DNAI1: variants seen among roughly 807,000 people sequenced by gnomAD.
DNAI1 encodes dynein axonemal intermediate chain 1.
A neutral mutation model predicts 92.0 loss-of-function variants in DNAI1; 67 were observed. The ratio of observed to expected loss-of-function variants is 0.73; its 90% confidence interval spans 0.60 to 0.89. The LOEUF (loss-of-function observed/expected upper bound fraction) is 0.89. Among genes scored for constraint, DNAI1 ranks in the 40% least tolerant of loss-of-function variants. The pLI, the probability that DNAI1 is intolerant of heterozygous loss-of-function variation, is 0.00. For synonymous variants in DNAI1, 323 were observed against 319.6 expected, an observed-to-expected ratio of 1.01 and a Z score of -0.11; for missense variants, 839 against 866.6, an observed-to-expected ratio of 0.97 and a Z score of 0.40.
At chr9:34,479,309 G>A (rs1182841799) in intron 1 of DNAI1, among the ~76,000 whole-genome samples, 1 of 152,160 alleles carries the variant, frequency 6.6e-6, no homozygotes, top group Non-Finnish European at 1.5e-5. Context: ...ACCATCAAAG[G>A]CCTTTCAGGA....
At chr9:34,490,524 T>C (rs1824567630) in intron 7 of DNAI1, 36 bp downstream of exon 7, 10 of 1,612,334 alleles carry the variant, frequency 6.2e-6, no homozygotes, top group Non-Finnish European at 8.5e-6. Flanking sequence ...TTTGCAGCTC[T>C]TCACTGTGCC....
In DNAI1 at chr9:34,511,986, GA is replaced by G. The variant is rs1375155058; in HGVS notation, c.1312-120del. ...GAAAGGACCAATCATGGGATTCTGG[GA>G]AATGGGCTCCCAGAAGTTGCTTCTG... On this transcript the variant is annotated intron_variant, in intron 13 of 19. Transcript: ENST00000242317. The G allele has an allele frequency of 8.3e-6, 7 of 839,804 alleles. No homozygotes were observed. In the African/African-American group the frequency reaches 1.0e-4, roughly 12 times the overall value. 52.0% of individuals were successfully genotyped at this position (839,804 alleles called of 1,614,324 possible). A position where few individuals can be genotyped will look rare whatever the true frequency, so the allele number is the denominator to read the frequency against.
chr9:34,501,728 AC>A (rs552068489), intron 12 of DNAI1, among the ~76,000 whole-genome samples: 92 of 145,246 alleles, frequency 6.3e-4, no homozygotes, highest in African/African-American at 2.3e-3. Context: ...AGGGATGGAG[AC>A]CCCCCCTTCC....
intron 1 of DNAI1, among the ~76,000 whole-genome samples, chr9:34,482,230 G>T (rs1205845233): frequency 6.8e-6 from 1 of 148,148 alleles, no homozygotes; most frequent in African/African-American, 2.6e-5. Flanking sequence ...GCTGATTGGT[G>T]TATTTACAAT....
At chr9:34,492,525 T>G (rs1276461839) in intron 8 of DNAI1, among the ~76,000 whole-genome samples, 1 of 101,308 alleles carries the variant, frequency 9.9e-6, no homozygotes, top group African/African-American at 3.5e-5. Context: ...TATATATATA[T>G]ATATATATAT....
At chr9:34,483,253 C>T (rs534825347) in intron 1 of DNAI1, among the ~76,000 whole-genome samples, 195 bp from the exon 2 acceptor site, 2 of 152,336 alleles carry the variant, frequency 1.3e-5, no homozygotes, top group South Asian at 2.1e-4. Context: ...TGAAGGGCTC[C>T]TCAAATGCCA....
intron 18 of DNAI1, 139 bp downstream of exon 18, chr9:34,514,878 G>A: frequency 1.1e-6 from 1 of 938,988 alleles, no homozygotes; most frequent in Admixed American, 2.0e-5. Context: ...TATTTTCCAG[G>A]GGCAAGCCAT....
In DNAI1 at chr9:34,512,314, C is replaced by A. The variant is rs774333189; in HGVS notation, c.1402-23C>A. 3 of 1,613,870 alleles carry A rather than the reference C, an allele frequency of 1.9e-6. No homozygotes were observed. In the South Asian group the frequency reaches 3.3e-5, roughly 18 times the overall value. ...CCCAACCCACGTGCCCTCCCCCCCA[C>A]ATCCCTCTGTCTGTGGCTACAGAGA... On this transcript the variant is annotated intron_variant, in intron 14 of 19. Transcript: ENST00000242317.
rs575010805 is a variant in DNAI1, at chr9:34,466,127, A to C, written c.48+7074A>C. 9.2e-5 allele frequency among the ~76,000 whole-genome samples: 14 copies of C among 152,348 alleles called. No individual in the cohort carries two copies. The South Asian group carries it at 2.9e-3, about 32-fold the overall frequency. On this transcript the variant is annotated intron_variant, in intron 1 of 19. Coordinates refer to ENST00000242317, the MANE Select transcript of DNAI1 (RefSeq NM_012144.4). ...TGAATGAATAATGACTGAATGAGTT[A>C]GTTGATGAGTGAATAAATGAGTGAT...
At chr9:34,505,062 C>T (rs1307557694) in intron 12 of DNAI1, among the ~76,000 whole-genome samples, 1 of 152,140 alleles carries the variant, frequency 6.6e-6, no homozygotes, top group Non-Finnish European at 1.5e-5. Flanking sequence ...TCAATTTTCC[C>T]TAAATGTCTA....
chr9:34,477,845 G>A (rs537482944), intron 1 of DNAI1, among the ~76,000 whole-genome samples: 31 of 150,308 alleles, frequency 2.1e-4, no homozygotes, highest in Middle Eastern at 6.9e-3. Flanking sequence ...TCATCAATTC[G>A]AATATGAGGT....
chr9:34,494,764 C>A (rs1306862272), intron 9 of DNAI1, among the ~76,000 whole-genome samples: 2 of 152,204 alleles, frequency 1.3e-5, no homozygotes, highest in Non-Finnish European at 2.9e-5. Context: ...ATGGTACAAG[C>A]AGATTCCAGC....
Position 34,497,341 on chromosome 9 carries a change from T to C in DNAI1, c.901+142T>C. On this transcript the variant is annotated intron_variant, in intron 10 of 19. Transcript: ENST00000242317. ...AATCCCTCTGTCCTCTGGATGTCACTGGGGAGACAAGACTTATGTGGATTA... is the reference window on the plus strand; with the variant it reads ...AATCCCTCTGTCCTCTGGATGTCACCGGGGAGACAAGACTTATGTGGATTA... The C allele has an allele frequency of 4.2e-6, 3 of 712,216 alleles. No individual in the cohort carries two copies. In the South Asian group the frequency reaches 4.4e-5, roughly 10 times the overall value. The allele number at this position is 712,216 out of a possible 1,614,324, so 44.1% of individuals were successfully genotyped here. A position where few individuals can be genotyped will look rare whatever the true frequency, so the allele number is the denominator to read the frequency against.
chr9:34,500,627 T>C, intron 10 of DNAI1, 95 bp from the exon 11 acceptor site: 1 of 790,506 alleles, frequency 1.3e-6, no homozygotes, highest in Non-Finnish European at 2.2e-6. Context: ...CAGAGGCTCA[T>C]TGTTTTGCCC....
At chr9:34,507,188 G>T (rs1419606790) in intron 13 of DNAI1, among the ~76,000 whole-genome samples, 1 of 152,130 alleles carries the variant, frequency 6.6e-6, no homozygotes, top group Non-Finnish European at 1.5e-5. Context: ...GGCCTGACAG[G>T]CTCCAGCTGA....
chr9:34,503,599 A>G (rs149761174), intron 12 of DNAI1, among the ~76,000 whole-genome samples: 159 of 152,268 alleles, frequency 1.0e-3, no homozygotes, highest in African/African-American at 3.7e-3. Context: ...AGGGGTAGGT[A>G]TGTACCCTAG....
At chr9:34,499,043 A>C (rs969055848) in intron 10 of DNAI1, among the ~76,000 whole-genome samples, 2 of 152,246 alleles carry the variant, frequency 1.3e-5, no homozygotes, top group Non-Finnish European at 2.9e-5. Context: ...GAACACAGTC[A>C]CATAAAAATG....
At chr9:34,516,589 A>G (rs1825173915) in intron 18 of DNAI1, among the ~76,000 whole-genome samples, 1 of 152,068 alleles carries the variant, frequency 6.6e-6, no homozygotes, top group Non-Finnish European at 1.5e-5. Context: ...AAGAGCCTCT[A>G]ACTCCTCCGT....
At chr9:34,463,943 G>T (rs543741994) in intron 1 of DNAI1, among the ~76,000 whole-genome samples, 1 of 152,262 alleles carries the variant, frequency 6.6e-6, no homozygotes, top group Admixed American at 6.5e-5. Flanking sequence ...TGAACAGAAT[G>T]TAGGGGAAGT....
Sources: gnomAD v4.1 joint callset for allele counts (sites outside exome capture counted in the v4.1 genomes callset) on GRCh38, gnomAD v4.1.1 for gene constraint, MANE v1.5 for transcripts, NCBI Gene and HGNC (gene_info 2026-07-23, HGNC 2026-07-21) for gene names.